TAB2: variants seen among roughly 807,000 people sequenced by gnomAD.
The protein encoded by TAB2 is TGF-beta activated kinase 1 (MAP3K7) binding protein 2.
Under a neutral mutation model 65.0 loss-of-function variants are expected in TAB2, and 3 were observed. The observed-to-expected ratio is 0.05, with a 90% CI of 0.02 to 0.12. The LOEUF is 0.12. TAB2 is among the 10% of genes least tolerant of loss of function. TAB2 has a pLI of 1.00. For synonymous variants in TAB2, 298 were observed against 285.1 expected (o/e 1.05, Z -0.46); for missense variants, 623 against 840.3 (o/e 0.74, Z 3.20).
chr6:149,251,084 C>T (rs1374365099), intron 1 of TAB2, among the ~76,000 whole-genome samples: 1 of 152,194 alleles, frequency 6.6e-6, no homozygotes, highest in Non-Finnish European at 1.5e-5. Context: ...ACAGCTCTGT[C>T]GCTGTGAGTC....
At chr6:149,408,370 A>C (rs970877220) in intron 6 of TAB2, among the ~76,000 whole-genome samples, 2 of 152,218 alleles carry the variant, frequency 1.3e-5, no homozygotes, top group African/African-American at 4.8e-5. Flanking sequence ...CAACACCTAA[A>C]GTTGAGGACT....
At chr6:149,290,689 C>T (rs1562402196) in intron 1 of TAB2, among the ~76,000 whole-genome samples, 1 of 151,868 alleles carries the variant, frequency 6.6e-6, no homozygotes, top group East Asian at 1.9e-4. Context: ...ACTAAAAAGA[C>T]AAAAAAATAG....
intron 1 of TAB2, among the ~76,000 whole-genome samples, chr6:149,292,949 G>A (rs1350361447): frequency 6.6e-6 from 1 of 151,898 alleles, no homozygotes; most frequent in Non-Finnish European, 1.5e-5. Flanking sequence ...AAATTCTTTG[G>A]CCAGATGAAT....
At chr6:149,366,923 G>C (rs1187769203) in intron 1 of TAB2, among the ~76,000 whole-genome samples, 1 of 151,102 alleles carries the variant, frequency 6.6e-6, no homozygotes, top group African/African-American at 2.4e-5. Flanking sequence ...GTCTCAATCA[G>C]ACTATTTGCC....
intron 1 of TAB2, chr6:149,243,726 T>C (rs1338765354): frequency 6.6e-6 from 1 of 152,228 alleles, no homozygotes; most frequent in Admixed American, 6.5e-5. Flanking sequence ...CTTTTCTTAA[T>C]AGTTTTCAAT....
chr6:149,282,144 C>T (rs1040900598), intron 1 of TAB2, among the ~76,000 whole-genome samples: 4 of 149,086 alleles, frequency 2.7e-5, no homozygotes, highest in Admixed American at 6.8e-5. Context: ...CCAGCCTGGG[C>T]GGCTGAGCAA....
At chr6:149,262,184 A>G (rs1346179641) in intron 1 of TAB2, among the ~76,000 whole-genome samples, 4 of 152,132 alleles carry the variant, frequency 2.6e-5, no homozygotes, top group African/African-American at 4.8e-5. Flanking sequence ...TGATAGCCAC[A>G]CTCCTATACC....
chr6:149,323,403 T>G (rs1779512922), intron 1 of TAB2, among the ~76,000 whole-genome samples: 1 of 152,158 alleles, frequency 6.6e-6, no homozygotes, highest in Non-Finnish European at 1.5e-5. Flanking sequence ...TGAATAATTA[T>G]TTGCTCTTAA....
intron 1 of TAB2, among the ~76,000 whole-genome samples, chr6:149,257,943 C>T (rs1451365730): frequency 1.3e-5 from 2 of 152,196 alleles, no homozygotes; most frequent in Admixed American, 1.3e-4. Flanking sequence ...GAAGTTCAAA[C>T]AGTGGGGAGT....
At chr6:149,249,419 A>ACT (rs143156863) in intron 1 of TAB2, among the ~76,000 whole-genome samples, 1 of 150,640 alleles carries the variant, frequency 6.6e-6, no homozygotes, top group Non-Finnish European at 1.5e-5. Context: ...TCTCTCTGTA[A>ACT]CTCTCTCTCT....
At chr6:149,260,318 G>A (rs992183864) in intron 1 of TAB2, among the ~76,000 whole-genome samples, 1 of 152,228 alleles carries the variant, frequency 6.6e-6, no homozygotes, top group Non-Finnish European at 1.5e-5. Context: ...GAGAGAGGTT[G>A]AGCTGAAAGC....
chr6:149,307,778 A>G (rs753092932), intron 1 of TAB2, among the ~76,000 whole-genome samples: 3 of 152,216 alleles, frequency 2.0e-5, no homozygotes. Context: ...TTATTTTGAC[A>G]TATTAGTAAT....
At chr6:149,330,344 A>C (rs1175625962) in intron 1 of TAB2, among the ~76,000 whole-genome samples, 2 of 152,140 alleles carry the variant, frequency 1.3e-5, no homozygotes, top group African/African-American at 4.8e-5. Flanking sequence ...TTGCGTGATA[A>C]ATGTATGTTT....
intron 1 of TAB2, among the ~76,000 whole-genome samples, chr6:149,360,100 G>GT (rs1011491420): frequency 2.6e-5 from 4 of 151,910 alleles, no homozygotes; most frequent in Admixed American, 6.6e-5. Flanking sequence ...TTTTGTGCCA[G>GT]TTTTTTTAAA....
chr6:149,314,357 C>A (rs981687019), upstream of TAB2, among the ~76,000 whole-genome samples: 5 of 152,204 alleles, frequency 3.3e-5, no homozygotes, highest in South Asian at 6.2e-4. Flanking sequence ...ACAGTCCAGG[C>A]TCAGCAGCTC....
chr6:149,322,219 A>G (rs867368679), intron 1 of TAB2, among the ~76,000 whole-genome samples: 5 of 152,268 alleles, frequency 3.3e-5, no homozygotes, highest in African/African-American at 1.2e-4. Context: ...TAGTGGTAAA[A>G]GACTTAATAA....
chr6:149,270,946 G>A (rs902518449), intron 1 of TAB2, among the ~76,000 whole-genome samples: 1 of 152,136 alleles, frequency 6.6e-6, no homozygotes, highest in Non-Finnish European at 1.5e-5. Context: ...GCAAAAAACT[G>A]GGTAGTCAGA....
Position 149,403,277 on chromosome 6 carries a change from TATATATAC to T in TAB2, c.1939+4095_1939+4102del, listed in dbSNP as rs1185606201. ...ATATATATATATATATATATATATA[TATATATAC>T]ACACACACACATATATATATATATA... On this transcript the variant is annotated intron_variant, in intron 6 of 6. Transcript: ENST00000637181. Among the ~76,000 whole-genome samples the T allele has an allele frequency of 1.1e-3, 47 of 42,154 alleles. 3 individuals are homozygous for T. Among genetic ancestry groups the T allele is most frequent in the African/African-American group, 4.3e-3 (33 of 7,740 alleles). The allele number at this position is 42,154 out of a possible 152,430, so 27.7% of individuals were successfully genotyped here. A position where few individuals can be genotyped will look rare whatever the true frequency, so the allele number is the denominator to read the frequency against.
chr6:149,370,170 CTT>C (rs1251713132), intron 2 of TAB2, 71 bp downstream of exon 2: 2 of 1,284,136 alleles, frequency 1.6e-6, no homozygotes, highest in African/African-American at 1.5e-5. Flanking sequence ...AAGAAAAACT[CTT>C]TTAGGTTATC....
Sources: allele counts gnomAD v4.1 joint callset (sites outside exome capture counted in the v4.1 genomes callset), GRCh38; gene constraint gnomAD v4.1.1; transcripts MANE v1.5; gene names NCBI Gene and HGNC (gene_info 2026-07-23, HGNC 2026-07-21).